The following DCBLD2 variants were observed in gnomAD, a reference collection of about 807,000 sequenced individuals.
DCBLD2 encodes discoidin, CUB and LCCL domain-containing protein 2.
DCBLD2 carries 54 observed loss-of-function variants against 86.8 expected under a neutral mutation model. The ratio of observed to expected loss-of-function variants is 0.62; its 90% CI spans 0.50 to 0.78. The LOEUF (loss-of-function observed/expected upper bound fraction) is 0.78, where lower values mean the gene tolerates loss of function less well. Ranked by LOEUF, DCBLD2 falls within the 30% of genes least tolerant of loss-of-function variation. The pLI, the probability that DCBLD2 is intolerant of heterozygous loss-of-function variation, is 0.00. For synonymous variants in DCBLD2, 354 were observed against 341.3 expected, an observed-to-expected ratio of 1.04 and a Z score of -0.41; for missense variants, 908 against 954.2, an observed-to-expected ratio of 0.95 and a Z score of 0.64.
chr3:98,832,973 T>C (rs1013629504), intron 3 of DCBLD2, among the ~76,000 whole-genome samples: 1 of 152,214 alleles, frequency 6.6e-6, no homozygotes, highest in African/African-American at 2.4e-5. Context: ...ACTGTTGGCC[T>C]CTCTAGCGAG....
At chr3:98,851,609 AG>A (rs1381367983) in intron 2 of DCBLD2, among the ~76,000 whole-genome samples, 1 of 152,260 alleles carries the variant, frequency 6.6e-6, no homozygotes, top group Non-Finnish European at 1.5e-5. Flanking sequence ...GAACCAAAAA[AG>A]AATCCATGTA....
At chr3:98,801,686 A>G (rs764956455) in intron 13 of DCBLD2, 37 bp from the exon 14 acceptor site, 7 of 1,541,432 alleles carry the variant, frequency 4.5e-6, no homozygotes, top group Non-Finnish European at 6.2e-6. Context: ...CAAACAGAGT[A>G]AATTCACTGG....
intron 12 of DCBLD2, among the ~76,000 whole-genome samples, chr3:98,810,203 G>A (rs544742847): frequency 1.7e-4 from 26 of 152,188 alleles, no homozygotes; most frequent in Non-Finnish European, 2.9e-4. Flanking sequence ...CCAGGCATGT[G>A]GTCTGGGATT....
At chr3:98,876,291 G>A (rs1339894967) in intron 2 of DCBLD2, among the ~76,000 whole-genome samples, 1 of 151,676 alleles carries the variant, frequency 6.6e-6, no homozygotes, top group African/African-American at 2.4e-5. Flanking sequence ...GGGGGCTGAG[G>A]TGAGATGATT....
intron 3 of DCBLD2, among the ~76,000 whole-genome samples, chr3:98,846,436 T>C (rs1280465066): frequency 6.6e-6 from 1 of 152,136 alleles, no homozygotes; most frequent in African/African-American, 2.4e-5. Flanking sequence ...TTCAAATTAA[T>C]GAGTCATTAT....
rs536577113 is a variant in DCBLD2, at chr3:98,797,358, A to G, written c.*2014T>C. 1.3e-5 allele frequency: 2 copies of G among 152,580 alleles called. No individual in the cohort carries two copies. The highest frequency in any genetic ancestry group is 2.9e-5 in the Non-Finnish European group (2 of 67,996). The allele number at this position is 152,580 out of a possible 1,614,324, so 9.5% of individuals were successfully genotyped here. On this transcript the variant is annotated 3_prime_UTR_variant, in exon 16 of 16. Coordinates refer to ENST00000326840, the MANE Select transcript of DCBLD2 (RefSeq NM_080927.4). Reference sequence around the variant, plus strand: ...TCAGGTATACACAATTAACACAAGAATAGCAAACTTCTTTGGGAAAATGAA... The same window carrying G: ...TCAGGTATACACAATTAACACAAGAGTAGCAAACTTCTTTGGGAAAATGAA...
chr3:98,836,890 T>C (rs867776439), intron 3 of DCBLD2, among the ~76,000 whole-genome samples: 1 of 58,506 alleles, frequency 1.7e-5, no homozygotes, highest in South Asian at 6.4e-4. Flanking sequence ...CCCACCTCCC[T>C]CCCGGAGGGG....
At chr3:98,840,539 G>A (rs898804503) in intron 3 of DCBLD2, among the ~76,000 whole-genome samples, 12 of 152,034 alleles carry the variant, frequency 7.9e-5, no homozygotes, top group African/African-American at 1.7e-4. Flanking sequence ...CTCTGTCACC[G>A]AGGCTAGAGT....
At chr3:98,813,613 C>G (rs1451800301) in intron 9 of DCBLD2, 1 of 152,112 alleles carries the variant, frequency 6.6e-6, no homozygotes, top group Admixed American at 6.5e-5. Flanking sequence ...ATACTCACAC[C>G]TAGACCTCCC....
intron 2 of DCBLD2, among the ~76,000 whole-genome samples, chr3:98,858,614 C>CA (rs1441750181): frequency 6.6e-6 from 1 of 152,150 alleles, no homozygotes; most frequent in Non-Finnish European, 1.5e-5. Flanking sequence ...AGTGAAGAGA[C>CA]ACAGAAAGAG....
chr3:98,889,408 A>G (rs1191805400), intron 1 of DCBLD2, among the ~76,000 whole-genome samples: 1 of 152,056 alleles, frequency 6.6e-6, no homozygotes, highest in Non-Finnish European at 1.5e-5. Flanking sequence ...CAAGTATGTC[A>G]GAAAGATGAC....
At chr3:98,889,079 T>C (rs1249586627) in intron 1 of DCBLD2, among the ~76,000 whole-genome samples, 1 of 151,882 alleles carries the variant, frequency 6.6e-6, no homozygotes, top group East Asian at 1.9e-4. Context: ...GTCCAATACA[T>C]TAACTACACT....
At chr3:98,892,272 A>G (rs1943674938) in intron 1 of DCBLD2, among the ~76,000 whole-genome samples, 1 of 152,124 alleles carries the variant, frequency 6.6e-6, no homozygotes, top group African/African-American at 2.4e-5. Flanking sequence ...ATAAATGTAA[A>G]GGTTCAGTAA....
At chr3:98,824,854 C>T (rs1438727100) in intron 4 of DCBLD2, among the ~76,000 whole-genome samples, 1 of 152,080 alleles carries the variant, frequency 6.6e-6, no homozygotes, top group African/African-American at 2.4e-5. Flanking sequence ...GTGTGAATGG[C>T]AGCCAGCAAA....
At chr3:98,879,143 T>C (rs1209594854) in intron 2 of DCBLD2, among the ~76,000 whole-genome samples, 6 of 152,176 alleles carry the variant, frequency 3.9e-5, no homozygotes, top group Non-Finnish European at 8.8e-5. Flanking sequence ...TTTTCAAAAT[T>C]ACACAAAAGT....
intron 1 of DCBLD2, among the ~76,000 whole-genome samples, chr3:98,896,058 T>G (rs1943745201): frequency 6.6e-6 from 1 of 152,194 alleles, no homozygotes; most frequent in African/African-American, 2.4e-5. Flanking sequence ...AAAAAGCAGT[T>G]GAGGGAACGT....
At chr3:98,883,393 C>G (rs1278572120) in intron 1 of DCBLD2, among the ~76,000 whole-genome samples, 1 of 151,982 alleles carries the variant, frequency 6.6e-6, no homozygotes, top group Non-Finnish European at 1.5e-5. Flanking sequence ...CTTATTTTTT[C>G]CCTATAGAAT....
At chr3:98,845,335 T>TAC (rs1942701915) in intron 3 of DCBLD2, among the ~76,000 whole-genome samples, 1 of 152,180 alleles carries the variant, frequency 6.6e-6, no homozygotes, top group Admixed American at 6.5e-5. Flanking sequence ...CTCAGAGCTT[T>TAC]ACCCAAGAGG....
At chr3:98,859,690 A>G (rs948575834) in intron 2 of DCBLD2, among the ~76,000 whole-genome samples, 3 of 152,228 alleles carry the variant, frequency 2.0e-5, no homozygotes, top group African/African-American at 7.2e-5. Flanking sequence ...AAATTAACAA[A>G]CAGAAAGGAC....
Sources: allele counts gnomAD v4.1 joint callset (sites outside exome capture counted in the v4.1 genomes callset), GRCh38; gene constraint gnomAD v4.1.1; transcripts MANE v1.5; gene names NCBI Gene and HGNC (gene_info 2026-07-23, HGNC 2026-07-21).